TMEM178B: variants seen among roughly 807,000 people sequenced by gnomAD.
TMEM178B encodes transmembrane protein 178B.
Under a neutral mutation model 31.0 loss-of-function variants are expected in TMEM178B, and 5 were observed. The ratio of observed to expected loss-of-function variants is 0.16; its 90% confidence interval spans 0.08 to 0.34. The LOEUF is 0.34. Among genes scored for constraint, TMEM178B ranks in the 10% least tolerant of loss-of-function variants. TMEM178B has a pLI of 1.00. For missense variants in TMEM178B, 275 were observed against 400.3 expected (o/e 0.69, Z 2.67); for synonymous variants, 164 against 164.0 (o/e 1.00, Z 0.00).
chr7:141,303,446 G>A (rs1798761511), intron 2 of TMEM178B, among the ~76,000 whole-genome samples: 1 of 152,224 alleles, frequency 6.6e-6, no homozygotes, highest in Non-Finnish European at 1.5e-5. Context: ...TGCAGGAGCT[G>A]GCTTCACATT....
At chr7:141,200,667 A>T (rs1225944882) in intron 1 of TMEM178B, among the ~76,000 whole-genome samples, 1 of 152,146 alleles carries the variant, frequency 6.6e-6, no homozygotes, top group African/African-American at 2.4e-5. Flanking sequence ...AGCTGACCTC[A>T]TTCCCTTTTT....
intron 2 of TMEM178B, among the ~76,000 whole-genome samples, chr7:141,351,711 A>G (rs1029402788): frequency 6.6e-6 from 1 of 152,220 alleles, no homozygotes; most frequent in African/African-American, 2.4e-5. Context: ...ACTTTACTTT[A>G]TCTTCTCATC....
At chr7:141,324,362 C>T (rs1457433320) in intron 2 of TMEM178B, among the ~76,000 whole-genome samples, 6 of 133,590 alleles carry the variant, frequency 4.5e-5, no homozygotes, top group Non-Finnish European at 6.2e-5. Context: ...TTTGACCCAA[C>T]AAGATTTGCT....
intron 1 of TMEM178B, among the ~76,000 whole-genome samples, chr7:141,087,670 T>C (rs887386420): frequency 6.6e-6 from 1 of 152,222 alleles, no homozygotes. Flanking sequence ...ATATTTGTCT[T>C]CTTTAGCAGT....
At chr7:141,219,174 C>T (rs911142657) in intron 2 of TMEM178B, among the ~76,000 whole-genome samples, 4 of 152,136 alleles carry the variant, frequency 2.6e-5, no homozygotes, top group African/African-American at 7.2e-5. Context: ...ATGAGGTAAC[C>T]GAGCCAGTGG....
At chr7:141,262,967 AT>A (rs1199203410) in intron 2 of TMEM178B, among the ~76,000 whole-genome samples, 2 of 151,774 alleles carry the variant, frequency 1.3e-5, no homozygotes, top group African/African-American at 4.8e-5. Context: ...TTCCCTTTTG[AT>A]TTTTTTTGAG....
intron 2 of TMEM178B, among the ~76,000 whole-genome samples, chr7:141,241,320 G>A (rs1483489939): frequency 1.3e-5 from 2 of 151,964 alleles, no homozygotes; most frequent in Non-Finnish European, 2.9e-5. Context: ...GGCCTGGCGC[G>A]GTGGCTCACG....
intron 2 of TMEM178B, among the ~76,000 whole-genome samples, chr7:141,434,537 A>C (rs770877294): frequency 6.6e-6 from 1 of 152,190 alleles, no homozygotes; most frequent in Non-Finnish European, 1.5e-5. Context: ...GATACGTGTG[A>C]TATTCTGATA....
At chr7:141,222,034 T>C (rs533475164) in intron 2 of TMEM178B, among the ~76,000 whole-genome samples, 56 of 147,728 alleles carry the variant, frequency 3.8e-4, no homozygotes, top group Non-Finnish European at 7.9e-4. Flanking sequence ...GTGTGGATCG[T>C]AGTGGTCAGA....
Position 141,074,700 on chromosome 7 carries a change from C to A in TMEM178B, c.382+8C>A. The A allele has an allele frequency of 6.8e-7, 1 of 1,479,740 alleles. No individual in the cohort carries two copies. Among genetic ancestry groups the A allele is most frequent in the Non-Finnish European group, 8.9e-7 (1 of 1,118,454 alleles). 91.7% of individuals were successfully genotyped at this position (1,479,740 alleles called of 1,614,324 possible). A position where few individuals can be genotyped will look rare whatever the true frequency, so the allele number is the denominator to read the frequency against. On this transcript the variant is annotated splice_region_variant and intron_variant, in intron 1 of 3. Coordinates refer to ENST00000565468, the MANE Select transcript of TMEM178B (RefSeq NM_001195278.2). The surrounding 1 kb of genome is among the most constrained non-coding windows in gnomAD (Gnocchi z 5.1). ...CCGCCCTCATTCGGAAAGGTAAGCG[C>A]CGGGCGCAAGGCGTGGCGCTGCGGA...
At chr7:141,131,574 G>A in intron 1 of TMEM178B, among the ~76,000 whole-genome samples, 1 of 152,248 alleles carries the variant, frequency 6.6e-6, no homozygotes, top group East Asian at 1.9e-4. Context: ...TACACTACAT[G>A]CTCTTTGTCT....
intron 2 of TMEM178B, among the ~76,000 whole-genome samples, chr7:141,413,440 A>G (rs1359867820): frequency 1.3e-5 from 2 of 152,228 alleles, no homozygotes; most frequent in East Asian, 3.8e-4. Flanking sequence ...ATCTTAAGGA[A>G]AAGCAAAATA....
At chr7:141,454,729 G>A (rs1314685181) in intron 3 of TMEM178B, among the ~76,000 whole-genome samples, 1 of 152,032 alleles carries the variant, frequency 6.6e-6, no homozygotes, top group Non-Finnish European at 1.5e-5. Context: ...GAAAGTATTG[G>A]GGATCTTGAC....
intron 1 of TMEM178B, among the ~76,000 whole-genome samples, chr7:141,077,146 A>T (rs1794611866): frequency 6.6e-6 from 1 of 152,238 alleles, no homozygotes; most frequent in Non-Finnish European, 1.5e-5. Flanking sequence ...TTTTATAAGG[A>T]AGTTAAAAAG....
chr7:141,296,845 C>T (rs1277315718), intron 2 of TMEM178B, among the ~76,000 whole-genome samples: 1 of 152,188 alleles, frequency 6.6e-6, no homozygotes, highest in Non-Finnish European at 1.5e-5. Flanking sequence ...CTCATCTCAC[C>T]CACACAGCCT....
intron 2 of TMEM178B, among the ~76,000 whole-genome samples, chr7:141,354,322 T>TTATG (rs1799782820): frequency 6.6e-6 from 1 of 152,254 alleles, no homozygotes; most frequent in Non-Finnish European, 1.5e-5. Flanking sequence ...GTTAAAGAAC[T>TTATG]TATGTATCAG....
intron 2 of TMEM178B, among the ~76,000 whole-genome samples, chr7:141,329,329 TACAAG>T (rs1799254693): frequency 6.6e-6 from 1 of 152,136 alleles, no homozygotes; most frequent in African/African-American, 2.4e-5. Flanking sequence ...ACCCTCCTCA[TACAAG>T]ACAAGAGGAA....
chr7:141,378,093 A>G (rs1396943908), intron 2 of TMEM178B, among the ~76,000 whole-genome samples: 1 of 151,494 alleles, frequency 6.6e-6, no homozygotes, highest in Non-Finnish European at 1.5e-5. Flanking sequence ...GCCTTTCCTT[A>G]TTTTTCATGA....
intron 2 of TMEM178B, among the ~76,000 whole-genome samples, chr7:141,323,172 C>G (rs1391370559): frequency 6.6e-6 from 1 of 152,146 alleles, no homozygotes. Context: ...AGAAAGCCCT[C>G]TTTAAAAATA....
Sources: gnomAD v4.1 joint callset for allele counts (sites outside exome capture counted in the v4.1 genomes callset) on GRCh38, gnomAD v4.1.1 for gene constraint, Gnocchi (gnomAD v3.1) non-coding constraint, MANE v1.5 for transcripts, NCBI Gene and HGNC (gene_info 2026-07-23, HGNC 2026-07-21) for gene names.